Variants in ZBTB10 observed in about 807,000 individuals in gnomAD.
The protein encoded by ZBTB10 is zinc finger and BTB domain-containing protein 10.
Under a neutral mutation model 76.4 loss-of-function variants are expected in ZBTB10, and 32 were observed. The observed-to-expected ratio is 0.42, with a 90% CI of 0.32 to 0.56. ZBTB10 has a LOEUF of 0.56. ZBTB10 is among the 20% of genes least tolerant of loss of function. The pLI is 0.14. For synonymous variants in ZBTB10, 523 were observed against 432.9 expected (o/e 1.21, Z -2.58); for missense variants, 1,057 against 1,098.5 (o/e 0.96, Z 0.53).
rs1816558602 is a variant in ZBTB10 at position 80,526,197 on chromosome 8, A to G, written c.*6669A>G. The G allele has an allele frequency of 2.0e-5, 3 of 152,210 alleles. No individual in the cohort carries two copies. The highest frequency in any genetic ancestry group is 7.2e-5 in the African/African-American group (3 of 41,470). 9.4% of individuals were successfully genotyped at this position (152,210 alleles called of 1,614,324 possible). A position where few individuals can be genotyped will look rare whatever the true frequency, so the allele number is the denominator to read the frequency against. On this transcript the variant is annotated 3_prime_UTR_variant, in exon 6 of 6. Coordinates refer to ENST00000455036, the MANE Select transcript of ZBTB10 (RefSeq NM_001105539.3). ...CATTCGGTCTATACGTGAAAAAACT[A>G]GAAGAAAAGCCCTGTTGGAGTTTTG...
chr8:80,497,249 T>A (rs1379378918), intron 1 of ZBTB10, among the ~76,000 whole-genome samples: 1 of 152,148 alleles, frequency 6.6e-6, no homozygotes, highest in Admixed American at 6.5e-5. Flanking sequence ...ATATTTGCAG[T>A]AATCCAATAC....
chr8:80,509,882 AAGCG>A (rs1816147262), intron 2 of ZBTB10, among the ~76,000 whole-genome samples: 1 of 152,086 alleles, frequency 6.6e-6, no homozygotes, highest in South Asian at 2.1e-4. Flanking sequence ...TTGTGGGCTC[AAGCG>A]ATCCTCCTAC....
chr8:80,510,154 G>A (rs1052587901), intron 2 of ZBTB10, among the ~76,000 whole-genome samples: 4 of 152,150 alleles, frequency 2.6e-5, no homozygotes, highest in Non-Finnish European at 5.9e-5. Flanking sequence ...GTAATAAAGT[G>A]GATGCTGGTT....
chr8:80,520,814 T>C lies in ZBTB10; in HGVS notation c.*1286T>C, dbSNP rs997112570. The C allele has an allele frequency of 6.6e-6, 1 of 151,880 alleles. No individual in the cohort carries two copies. The highest frequency in any genetic ancestry group is 1.5e-5 in the Non-Finnish European group (1 of 67,844). 9.4% of individuals were successfully genotyped at this position (151,880 alleles called of 1,614,324 possible). A position where few individuals can be genotyped will look rare whatever the true frequency, so the allele number is the denominator to read the frequency against. On this transcript the variant is annotated 3_prime_UTR_variant, in exon 6 of 6. Coordinates refer to ENST00000455036, the MANE Select transcript of ZBTB10 (RefSeq NM_001105539.3). ...ATTCTTCAGGGTACAAAGGGTGACA[T>C]ATTGAGGTGAAATTGTCAGATTTAC...
chr8:80,518,656 T>G (rs892762846), intron 4 of ZBTB10, 77 bp downstream of exon 4: 57 of 1,488,224 alleles, frequency 3.8e-5, no homozygotes, highest in Admixed American at 1.0e-4. Context: ...TGTTCTGCAT[T>G]TTTTAAAAAC....
At chr8:80,512,540 G>T (rs1429620610) in intron 2 of ZBTB10, among the ~76,000 whole-genome samples, 1 of 152,022 alleles carries the variant, frequency 6.6e-6, no homozygotes, top group Non-Finnish European at 1.5e-5. Context: ...GTGAGACCCT[G>T]TCTCTACAAA....
intron 1 of ZBTB10, among the ~76,000 whole-genome samples, chr8:80,488,892 T>G (rs1034643407): frequency 6.6e-6 from 1 of 152,202 alleles, no homozygotes; most frequent in African/African-American, 2.4e-5. Context: ...TGGGGTTAAT[T>G]AGGCGCACCA....
chr8:80,486,506 A>C lies in ZBTB10; in HGVS notation c.-305A>C, dbSNP rs1815456950. 2.0e-6 allele frequency: 2 copies of C among 984,320 alleles called. No individual in the cohort carries two copies. Among genetic ancestry groups the C allele is most frequent in the Non-Finnish European group, 2.4e-6 (2 of 829,742 alleles). 61.0% of individuals were successfully genotyped at this position (984,320 alleles called of 1,614,324 possible). On this transcript the variant is annotated 5_prime_UTR_variant, in exon 1 of 6. Transcript: ENST00000455036. Reference sequence around the variant, plus strand: ...CTCGCTCGCTGCAGGCTCGCTCCTCACCTCTCCGCCGCCCGCCCCCTTCTC... The same window carrying C: ...CTCGCTCGCTGCAGGCTCGCTCCTCCCCTCTCCGCCGCCCGCCCCCTTCTC...
chr8:80,523,468 A>G lies in ZBTB10; in HGVS notation c.*3940A>G, dbSNP rs1439056967. 6.6e-6 allele frequency: 1 copy of G among 151,980 alleles called. No homozygotes were observed. Among genetic ancestry groups the G allele is most frequent in the Non-Finnish European group, 1.5e-5 (1 of 67,898 alleles). 9.4% of individuals were successfully genotyped at this position (151,980 alleles called of 1,614,324 possible). A position where few individuals can be genotyped will look rare whatever the true frequency, so the allele number is the denominator to read the frequency against. On this transcript the variant is annotated 3_prime_UTR_variant, in exon 6 of 6. Transcript: ENST00000455036. The stretch of plus-strand genomic sequence containing the variant: ...TAACTGGCTGTGGCATTTTAATTTT[A>G]TAAAAGAATGGTTTTTATCTGAAGA...
rs1815451657 is a variant in ZBTB10, at chr8:80,486,415, C to T, written c.-396C>T. 1.0e-6 allele frequency: 1 copy of T among 976,466 alleles called. No homozygotes were observed. Among genetic ancestry groups the T allele is most frequent in the South Asian group, 4.7e-5 (1 of 21,228 alleles). The allele number at this position is 976,466 out of a possible 1,614,324, so 60.5% of individuals were successfully genotyped here. On this transcript the variant is annotated 5_prime_UTR_variant, in exon 1 of 6. Coordinates refer to ENST00000455036, the MANE Select transcript of ZBTB10 (RefSeq NM_001105539.3). Reference sequence around the variant, plus strand: ...TATCTGTGTGGAGGATCGGTGTGTGCGCGCGCGGCTTTAAAGAGGGGGCAG... The same window carrying T: ...TATCTGTGTGGAGGATCGGTGTGTGTGCGCGCGGCTTTAAAGAGGGGGCAG...
rs1816415880 is a variant in ZBTB10 at position 80,519,915 on chromosome 8, ACT to A, written c.*390_*391del. 1 of 158,942 alleles carries A rather than the reference ACT, an allele frequency of 6.3e-6. No homozygotes were observed. The highest frequency in any genetic ancestry group is 6.0e-5 in the Admixed American group (1 of 16,636). 9.8% of individuals were successfully genotyped at this position (158,942 alleles called of 1,614,324 possible). On this transcript the variant is annotated 3_prime_UTR_variant, in exon 6 of 6. Transcript: ENST00000455036. The stretch of plus-strand genomic sequence containing the variant: ...AAGTACAGTGACAATTGACCCAATC[ACT>A]CTGTCCATCAAACCACTCAGGCTAG...
chr8:80,509,248 G>A (rs1002884303), intron 2 of ZBTB10, among the ~76,000 whole-genome samples: 1 of 152,204 alleles, frequency 6.6e-6, no homozygotes, highest in African/African-American at 2.4e-5. Flanking sequence ...TTCTGAAACT[G>A]TCACCGTAAG....
chr8:80,488,784 T>C (rs1815549886), intron 1 of ZBTB10, among the ~76,000 whole-genome samples: 1 of 152,242 alleles, frequency 6.6e-6, no homozygotes, highest in Admixed American at 6.5e-5. Context: ...GTGGATGGAA[T>C]TCATTCTTTC....
rs757013968 is a variant in ZBTB10 at position 80,500,044 on chromosome 8, C to T, written c.1523C>T (p.Thr508Ile). ...IASFWATRNL[T>I]NLASNVKIEN... ...AGTTTTTGGGCAACACGGAATCTTA[C>T]CAATTTGGCAAGTAATGTAAAGATT... The change falls in exon 2 of 6, where the codon ACC (threonine) becomes ATC (isoleucine). Residue 508 changes from threonine (T) to isoleucine (I), a missense_variant. Around this residue, in one of 5 missense-constraint regions of ZBTB10, gnomAD observed 306 missense variants for 297.5 expected, o/e 1.03. Coordinates refer to ENST00000455036, the MANE Select transcript of ZBTB10 (RefSeq NM_001105539.3). 6.2e-7 allele frequency: 1 copy of T among 1,613,890 alleles called. No individual in the cohort carries two copies. Among genetic ancestry groups the T allele is most frequent in the Non-Finnish European group, 8.5e-7 (1 of 1,179,874 alleles).
At position 80,509,541 on chromosome 8, in the gene ZBTB10, T is replaced by A. The variant is rs77777239; in HGVS notation, c.1862-4369T>A. Among the ~76,000 whole-genome samples the A allele has an allele frequency of 5.4e-4, 82 of 152,322 alleles. 1 individual carries two copies. The East Asian group carries it at 0.014, about 27-fold the overall frequency. On this transcript the variant is annotated intron_variant, in intron 2 of 5. Coordinates refer to ENST00000455036, the MANE Select transcript of ZBTB10 (RefSeq NM_001105539.3). ...GGTGCTGTACTACTCACTTCGCACG[T>A]GATTTGGAAGGGTTGCTAGCCCACC...
intron 1 of ZBTB10, among the ~76,000 whole-genome samples, chr8:80,488,037 T>C (rs1161904230): frequency 1.8e-5 from 2 of 112,092 alleles, no homozygotes; most frequent in Non-Finnish European, 3.3e-5. Context: ...GATTTTCTTT[T>C]TTATGACTCA....
intron 1 of ZBTB10, among the ~76,000 whole-genome samples, chr8:80,496,314 C>T (rs1485034445): frequency 6.6e-6 from 1 of 150,396 alleles, no homozygotes. Context: ...AGAGAGTACA[C>T]ATACTCTTGG....
At position 80,486,761 on chromosome 8, in the gene ZBTB10, A is replaced by T; in HGVS notation, c.-50A>T. 1 of 1,283,212 alleles carries T rather than the reference A, an allele frequency of 7.8e-7. No homozygotes were observed. 79.5% of individuals were successfully genotyped at this position (1,283,212 alleles called of 1,614,324 possible). A position where few individuals can be genotyped will look rare whatever the true frequency, so the allele number is the denominator to read the frequency against. The stretch of plus-strand genomic sequence containing the variant: ...CGGGGAGCGCGCGGGACGCGGCCCG[A>T]GGCCGTGCGCGAGCCGGGGCACCGG... On this transcript the variant is annotated 5_prime_UTR_variant, in exon 1 of 6. Transcript: ENST00000455036.
chr8:80,497,216 G>A (rs62515072), intron 1 of ZBTB10, among the ~76,000 whole-genome samples: 1 of 151,318 alleles, frequency 6.6e-6, no homozygotes, highest in African/African-American at 2.4e-5. Flanking sequence ...ACAACATACT[G>A]GTTTTTTTTT....
Sources: allele counts gnomAD v4.1 joint callset (sites outside exome capture counted in the v4.1 genomes callset), GRCh38; gene constraint gnomAD v4.1.1; regional missense constraint gnomAD v4.1.1; transcripts MANE v1.5; gene names NCBI Gene and HGNC (gene_info 2026-07-23, HGNC 2026-07-21).